GPC5: variants seen among roughly 807,000 people sequenced by gnomAD.
GPC5 encodes glypican-5.
GPC5 carries 47 observed loss-of-function variants against 53.9 expected under a neutral mutation model. That is an observed-to-expected ratio of 0.87 (90% CI 0.69 to 1.11). The LOEUF is 1.11. Ranked by LOEUF, GPC5 falls within the 50% of genes most tolerant of loss-of-function variation. The pLI, the probability that GPC5 is intolerant of heterozygous loss-of-function variation, is 0.00. For missense variants in GPC5, 748 were observed against 713.1 expected (o/e 1.05, Z -0.56); for synonymous variants, 286 against 263.3 (o/e 1.09, Z -0.84).
intron 7 of GPC5, among the ~76,000 whole-genome samples, chr13:92,658,680 A>G (rs1886219244): frequency 6.6e-6 from 1 of 152,164 alleles, no homozygotes; most frequent in Non-Finnish European, 1.5e-5. Flanking sequence ...GCAAAGAAGG[A>G]AGAGATAGGC....
chr13:91,726,294 T>C (rs1031148189), intron 3 of GPC5, among the ~76,000 whole-genome samples: 3 of 152,168 alleles, frequency 2.0e-5, no homozygotes, highest in African/African-American at 7.2e-5. Context: ...AAATTAAGAT[T>C]TCTTATTCAG....
chr13:91,891,219 AC>A (rs2039382390), intron 5 of GPC5, among the ~76,000 whole-genome samples: 1 of 152,142 alleles, frequency 6.6e-6, no homozygotes, highest in African/African-American at 2.4e-5. Context: ...TTTAGAAACA[AC>A]TTTTTCTGTC....
At chr13:92,836,038 C>CT (rs550023090) in intron 7 of GPC5, among the ~76,000 whole-genome samples, 6 of 151,770 alleles carry the variant, frequency 4.0e-5, no homozygotes, top group East Asian at 1.9e-4. Flanking sequence ...AATCACTTGA[C>CT]TTTTTTTTGT....
chr13:92,459,286 A>C (rs1360228356), intron 7 of GPC5, among the ~76,000 whole-genome samples: 1 of 152,218 alleles, frequency 6.6e-6, no homozygotes, highest in Non-Finnish European at 1.5e-5. Context: ...TAGGCAAGCT[A>C]TGAGTTAGGG....
chr13:92,491,948 A>G (rs1237894112), intron 7 of GPC5, among the ~76,000 whole-genome samples: 2 of 152,152 alleles, frequency 1.3e-5, no homozygotes, highest in Non-Finnish European at 2.9e-5. Flanking sequence ...TCATAATTGC[A>G]GAATCATTCT....
chr13:92,019,861 T>C (rs573741989), intron 6 of GPC5, among the ~76,000 whole-genome samples: 11 of 152,138 alleles, frequency 7.2e-5, no homozygotes, highest in Non-Finnish European at 1.3e-4. Context: ...GAATAATTCA[T>C]TAGTTTTCTA....
At chr13:91,935,673 G>T (rs1252595754) in intron 6 of GPC5, among the ~76,000 whole-genome samples, 1 of 152,128 alleles carries the variant, frequency 6.6e-6, no homozygotes, top group Non-Finnish European at 1.5e-5. Flanking sequence ...TTGATGGGTG[G>T]TATAATTTCC....
intron 7 of GPC5, among the ~76,000 whole-genome samples, chr13:92,696,067 A>G (rs1594427093): frequency 6.6e-6 from 1 of 152,252 alleles, no homozygotes; most frequent in East Asian, 1.9e-4. Context: ...CATGGTGTAT[A>G]TGTGCCACCT....
chr13:91,439,539 T>C (rs28590614), intron 1 of GPC5, among the ~76,000 whole-genome samples: 6,794 of 152,314 alleles, frequency 0.045, 191 homozygotes, highest in South Asian at 0.13. Flanking sequence ...AATATTATTT[T>C]TGTATCTTTA....
At chr13:91,759,600 C>T (rs555632725) in intron 5 of GPC5, among the ~76,000 whole-genome samples, 1 of 152,190 alleles carries the variant, frequency 6.6e-6, no homozygotes, top group South Asian at 2.1e-4. Context: ...ATTTTTAGCT[C>T]CCACAAATGA....
At chr13:91,543,606 A>T (rs191284749) in intron 2 of GPC5, among the ~76,000 whole-genome samples, 4,136 of 115,382 alleles carry the variant, frequency 0.036, 72 homozygotes, top group Non-Finnish European at 0.05. Context: ...ACTTAAGTAG[A>T]ATATGAGAAA....
rs375883710 is a variant in GPC5, at chr13:91,767,655, C to T, written c.1280+11235C>T. Among the ~76,000 whole-genome samples, 345 of 152,242 alleles carry T rather than the reference C, an allele frequency of 2.3e-3. 1 individual carries two copies. Among genetic ancestry groups the T allele is most frequent in the African/African-American group, 7.9e-3 (327 of 41,536 alleles). On this transcript the variant is annotated intron_variant, in intron 5 of 7. Transcript: ENST00000377067. ...CTAGGAAAAAATGAGGTTAAACATC[C>T]GCTTTTCCCATGTGTCTACTCAGTT...
chr13:92,103,709 T>C (rs996519050), intron 6 of GPC5, among the ~76,000 whole-genome samples: 1 of 152,216 alleles, frequency 6.6e-6, no homozygotes, highest in African/African-American at 2.4e-5. Flanking sequence ...CTCTCGGCAT[T>C]TAGCAAGCAT....
At chr13:91,558,882 G>T (rs1421358249) in intron 2 of GPC5, among the ~76,000 whole-genome samples, 4 of 152,002 alleles carry the variant, frequency 2.6e-5, no homozygotes, top group East Asian at 1.9e-4. Context: ...TGAGTGCTTT[G>T]CCTTAGCCCT....
intron 2 of GPC5, among the ~76,000 whole-genome samples, chr13:91,507,864 T>G (rs1885025331): frequency 6.6e-6 from 1 of 152,216 alleles, no homozygotes; most frequent in Admixed American, 6.5e-5. Context: ...TTTGCTCTCT[T>G]AGCTTATCAA....
At chr13:91,761,766 C>A (rs1287972330) in intron 5 of GPC5, among the ~76,000 whole-genome samples, 1 of 152,158 alleles carries the variant, frequency 6.6e-6, no homozygotes, top group African/African-American at 2.4e-5. Flanking sequence ...TCCAGAAGCT[C>A]TTTCAACCTT....
At chr13:92,588,316 A>G (rs1037633440) in intron 7 of GPC5, among the ~76,000 whole-genome samples, 18 of 152,176 alleles carry the variant, frequency 1.2e-4, no homozygotes, top group African/African-American at 4.3e-4. Context: ...TCCTTTATCC[A>G]GTCTATCATT....
At chr13:92,778,475 T>C (rs753681795) in intron 7 of GPC5, among the ~76,000 whole-genome samples, 33 of 152,180 alleles carry the variant, frequency 2.2e-4, no homozygotes, top group Non-Finnish European at 3.8e-4. Flanking sequence ...TAAAACAAAA[T>C]TGGCTGGCCT....
At chr13:92,613,733 G>T (rs1028186660) in intron 7 of GPC5, among the ~76,000 whole-genome samples, 2 of 142,792 alleles carry the variant, frequency 1.4e-5, no homozygotes, top group Non-Finnish European at 3.0e-5. Flanking sequence ...TGGTACATGC[G>T]TATAGAACCA....
Sources: allele counts gnomAD v4.1 joint callset (sites outside exome capture counted in the v4.1 genomes callset), GRCh38; gene constraint gnomAD v4.1.1; transcripts MANE v1.5; gene names NCBI Gene and HGNC (gene_info 2026-07-23, HGNC 2026-07-21).